The following TMPRSS9 variants were observed in gnomAD, a reference collection of about 807,000 sequenced individuals.
TMPRSS9 encodes transmembrane protease serine 9.
A neutral mutation model predicts 111.4 loss-of-function variants in TMPRSS9; 113 were observed. The observed-to-expected ratio is 1.01, with a 90% CI of 0.87 to 1.19. The LOEUF is 1.19. Ranked by LOEUF, TMPRSS9 falls within the 50% of genes most tolerant of loss-of-function variation. The pLI is 0.00. For missense variants in TMPRSS9, 1,803 were observed against 1,513.1 expected (o/e 1.19, Z -3.18); for synonymous variants, 805 against 659.1 (o/e 1.22, Z -3.39).
chr19:2,372,308 C>T (rs1317240061), intron 1 of TMPRSS9, among the ~76,000 whole-genome samples: 2 of 151,848 alleles, frequency 1.3e-5, no homozygotes, highest in Non-Finnish European at 2.9e-5. Context: ...TTTTGGTTTG[C>T]CTGGGGGCAT....
intron 13 of TMPRSS9, among the ~76,000 whole-genome samples, chr19:2,419,429 C>A (rs1457003831): frequency 6.6e-6 from 1 of 151,600 alleles, no homozygotes; most frequent in Non-Finnish European, 1.5e-5. Flanking sequence ...GTCTCGATCT[C>A]CTGATGTCGT....
chr19:2,389,681 T>C, upstream of TMPRSS9: 2 of 1,407,366 alleles, frequency 1.4e-6, no homozygotes, highest in East Asian at 2.5e-5. Flanking sequence ...TTTAAGGGTA[T>C]AGTTGCAACC....
intron 1 of TMPRSS9, among the ~76,000 whole-genome samples, chr19:2,376,548 C>G (rs1387561026): frequency 6.6e-6 from 1 of 152,144 alleles, no homozygotes; most frequent in Non-Finnish European, 1.5e-5. Flanking sequence ...CAACCTCTGC[C>G]TCCCAGGTTC....
chr19:2,376,102 G>A (rs1035674282), intron 1 of TMPRSS9, among the ~76,000 whole-genome samples: 2 of 152,138 alleles, frequency 1.3e-5, no homozygotes, highest in Non-Finnish European at 2.9e-5. Context: ...TCAAGGTGTG[G>A]GCAGGGCTGG....
At chr19:2,373,883 A>G (rs1161520551) in intron 1 of TMPRSS9, among the ~76,000 whole-genome samples, 1 of 152,196 alleles carries the variant, frequency 6.6e-6, no homozygotes, top group African/African-American at 2.4e-5. Flanking sequence ...AAACTAATAC[A>G]CACCATGCTG....
chr19:2,374,528 C>G lies in TMPRSS9; in HGVS notation c.-26+14168C>G, dbSNP rs533319705. On this transcript the variant is annotated intron_variant, in intron 1 of 17. Transcript: ENST00000649857. Reference sequence around the variant, plus strand: ...GGCGGAGGTTGCAGTGAGCCGAGATCGCGCCACTGCACTCCAGCCTGGAGA... The same window carrying G: ...GGCGGAGGTTGCAGTGAGCCGAGATGGCGCCACTGCACTCCAGCCTGGAGA... Among the ~76,000 whole-genome samples, 23 of 151,790 alleles carry G rather than the reference C, an allele frequency of 1.5e-4. No individual in the cohort carries two copies. In the East Asian group the frequency reaches 3.1e-3, roughly 20 times the overall value.
intron 7 of TMPRSS9, 52 bp downstream of exon 8, chr19:2,405,597 C>T (rs777044616): frequency 3.4e-6 from 5 of 1,453,118 alleles, no homozygotes; most frequent in Non-Finnish European, 4.5e-6. Context: ...TTTCTCCTGC[C>T]TTCCCTCGTG....
chr19:2,379,615 C>CTCTTTCTTTTTCTT (rs1970366203), intron 1 of TMPRSS9, among the ~76,000 whole-genome samples: 1 of 118,510 alleles, frequency 8.4e-6, no homozygotes, highest in African/African-American at 3.2e-5. Context: ...AACTTTCTTT[C>CTCTTTCTTTTTCTT]TCTTTCTTTC....
At chr19:2,397,088 T>C (rs1326430237) in intron 2 of TMPRSS9, among the ~76,000 whole-genome samples, 1 of 150,366 alleles carries the variant, frequency 6.7e-6, no homozygotes, top group Non-Finnish European at 1.5e-5. Context: ...GTCCAGCTGA[T>C]TTTTGTATTT....
upstream of TMPRSS9, among the ~76,000 whole-genome samples, chr19:2,388,151 G>A (rs1970514400): frequency 6.6e-6 from 1 of 152,218 alleles, no homozygotes. Context: ...CAGCACTTTG[G>A]GAGGCCCAGG....
chr19:2,366,717 C>T (rs369797154), intron 1 of TMPRSS9, among the ~76,000 whole-genome samples: 17 of 151,508 alleles, frequency 1.1e-4, no homozygotes, highest in Middle Eastern at 3.4e-3. Context: ...ATTAGCCGGG[C>T]GTGGTGGCGG....
intron 13 of TMPRSS9, among the ~76,000 whole-genome samples, chr19:2,418,391 C>CTCCCTTTCCT (rs1460768601): frequency 6.2e-5 from 3 of 48,724 alleles, no homozygotes; most frequent in Non-Finnish European, 1.2e-4. Context: ...CTTTCCTTCC[C>CTCCCTTTCCT]TCCCTGGCCT....
At chr19:2,373,993 G>T (rs1970310388) in intron 1 of TMPRSS9, among the ~76,000 whole-genome samples, 1 of 152,184 alleles carries the variant, frequency 6.6e-6, no homozygotes, top group South Asian at 2.1e-4. Flanking sequence ...ATCTGAGCAA[G>T]GCAGAGAGGT....
rs576487805 is a variant in TMPRSS9, at chr19:2,404,944, A to T, written c.671-430A>T. ...GAGACTCCATCTCAAAAAAAAAAAAAAAAAATCAAAGACTAAACTTACAAA... is the reference window on the plus strand; with the variant it reads ...GAGACTCCATCTCAAAAAAAAAAAATAAAAATCAAAGACTAAACTTACAAA... On this transcript the variant is annotated intron_variant, in intron 6 of 17. Coordinates refer to ENST00000648592, the Ensembl canonical transcript of TMPRSS9. 3.3e-5 allele frequency among the ~76,000 whole-genome samples: 5 copies of T among 152,106 alleles called. No homozygotes were observed. The South Asian group carries it at 1.0e-3, about 32-fold the overall frequency.
At chr19:2,425,104 C>A in exon 16 of TMPRSS9, 2 of 1,583,878 alleles carry the variant, frequency 1.3e-6, no homozygotes, top group South Asian at 1.1e-5. Context: ...AGCACCCGTT[C>A]TACAATCTCT....
intron 1 of TMPRSS9, among the ~76,000 whole-genome samples, chr19:2,380,446 A>G (rs1186456033): frequency 6.6e-6 from 1 of 151,878 alleles, no homozygotes; most frequent in Admixed American, 6.6e-5. Context: ...AAATAAAAAA[A>G]AAAAATTAGC....
intron 1 of TMPRSS9, among the ~76,000 whole-genome samples, chr19:2,370,217 T>C (rs1353183957): frequency 6.6e-6 from 1 of 150,536 alleles, no homozygotes; most frequent in Non-Finnish European, 1.5e-5. Flanking sequence ...AAAAAATATA[T>C]ACACATCCTG....
At chr19:2,415,670 A>G (rs1247375201) in exon 11 of TMPRSS9, 1 of 1,586,054 alleles carries the variant, frequency 6.3e-7, no homozygotes, top group East Asian at 2.3e-5. Flanking sequence ...CTCCTTCCAG[A>G]ATGTGGGGCC....
intron 14 of TMPRSS9, among the ~76,000 whole-genome samples, chr19:2,423,518 C>CG (rs200576946): frequency 0.14 from 5,860 of 41,102 alleles, 274 homozygotes; most frequent in East Asian, 0.4. Context: ...TAGAGGGCGG[C>CG]GGGGGGGCTT....
Sources: gnomAD v4.1 joint callset for allele counts (sites outside exome capture counted in the v4.1 genomes callset) on GRCh38, gnomAD v4.1.1 for gene constraint, MANE v1.5 for transcripts, NCBI Gene and HGNC (gene_info 2026-07-23, HGNC 2026-07-21) for gene names.